The following MINK1 variants were observed in gnomAD, a reference collection of about 807,000 sequenced individuals.
MINK1 encodes the protein misshapen like kinase 1.
In MINK1, 46 loss-of-function variants were observed where a neutral mutation model predicts 178.4. The ratio of observed to expected loss-of-function variants is 0.26; its 90% CI spans 0.20 to 0.33. The LOEUF is 0.33. MINK1 is among the 10% of genes least tolerant of loss of function. The probability of loss-of-function intolerance (pLI) is 1.00; values close to 1 mark genes in which losing one functional copy is unlikely to be tolerated. For missense variants in MINK1, 1,366 were observed against 1,814.9 expected (o/e 0.75, Z 4.49); for synonymous variants, 797 against 709.7 (o/e 1.12, Z -1.96).
chr17:4,891,413 G>A (rs1234328535), intron 15 of MINK1, 43 bp from the exon 16 acceptor site: 1 of 1,519,370 alleles, frequency 6.6e-7, no homozygotes, highest in South Asian at 1.3e-5. Context: ...GTGGGGATGT[G>A]CCATGGAGCA....
At chr17:4,891,261 C>T in intron 15 of MINK1, 137 bp downstream of exon 15, 5 of 1,165,718 alleles carry the variant, frequency 4.3e-6, no homozygotes, top group Non-Finnish European at 5.9e-6. Context: ...AGAGCACAGG[C>T]TTTGTGGACA....
chr17:4,841,740 G>C (rs749104406), intron 1 of MINK1, among the ~76,000 whole-genome samples: 2 of 152,146 alleles, frequency 1.3e-5, no homozygotes, highest in Non-Finnish European at 2.9e-5. Flanking sequence ...TACTTGGTAA[G>C]AGACATGGAT....
At chr17:4,839,021 G>A (rs1278127444) in intron 1 of MINK1, among the ~76,000 whole-genome samples, 1 of 151,062 alleles carries the variant, frequency 6.6e-6, no homozygotes, top group Non-Finnish European at 1.5e-5. Context: ...TTGGCTCACT[G>A]CAAGCTCCAC....
intron 5 of MINK1, 43 bp downstream of exon 5, chr17:4,884,516 TG>T (rs755197027): frequency 5.6e-6 from 8 of 1,423,380 alleles, no homozygotes; most frequent in Non-Finnish European, 7.9e-6. Flanking sequence ...TCCGCTACCC[TG>T]GCTGGAGTTT....
chr17:4,834,376 G>A (rs1256929994), intron 1 of MINK1, among the ~76,000 whole-genome samples: 1 of 152,064 alleles, frequency 6.6e-6, no homozygotes, highest in Non-Finnish European at 1.5e-5. Flanking sequence ...GCTGGGAAGA[G>A]GATGTTTACA....
chr17:4,891,200 G>GCGCGCA (rs781594150), intron 15 of MINK1, 76 bp downstream of exon 15: 46 of 1,004,122 alleles, frequency 4.6e-5, no homozygotes, highest in African/African-American at 1.7e-5. Context: ...ACACACGCGC[G>GCGCGCA]CACACACACA....
chr17:4,845,474 T>A (rs1190937458), intron 1 of MINK1, among the ~76,000 whole-genome samples: 1 of 152,082 alleles, frequency 6.6e-6, no homozygotes, highest in Non-Finnish European at 1.5e-5. Flanking sequence ...GATCATAGAA[T>A]GTAACAGCAT....
Position 4,890,463 on chromosome 17 carries a change from C to G in MINK1, c.1348-54C>G, listed in dbSNP as rs545643918. The G allele has an allele frequency of 4.5e-6, 7 of 1,539,098 alleles. 1 individual carries two copies. The East Asian group carries it at 1.5e-4, about 32-fold the overall frequency. ...GGAGAAAAGAGAGGGCATGCCTGCTCTAACTCCCAGGGCCACACCCTGCTG... is the reference window on the plus strand; with the variant it reads ...GGAGAAAAGAGAGGGCATGCCTGCTGTAACTCCCAGGGCCACACCCTGCTG... On this transcript the variant is annotated intron_variant, in intron 13 of 31. Transcript: ENST00000355280.
chr17:4,888,812 C>T (rs1567610413), intron 12 of MINK1, among the ~76,000 whole-genome samples: 1 of 151,542 alleles, frequency 6.6e-6, no homozygotes, highest in African/African-American at 2.4e-5. Flanking sequence ...ATTCTCCTGC[C>T]TCAGCCTCCT....
intron 13 of MINK1, 39 bp downstream of exon 13, chr17:4,889,802 C>T (rs1236395413): frequency 7.0e-7 from 1 of 1,436,072 alleles, no homozygotes. Flanking sequence ...TCCCGCCCTC[C>T]CGCTCCTGCT....
In MINK1 at chr17:4,839,084, T is replaced by C. The variant is rs150268889; in HGVS notation, c.57+5444T>C. Among the ~76,000 whole-genome samples the C allele has an allele frequency of 9.0e-3, 1,362 of 152,038 alleles. 7 individuals carry two copies. Among genetic ancestry groups the C allele is most frequent in the Non-Finnish European group, 0.014 (965 of 67,878 alleles). The stretch of plus-strand genomic sequence containing the variant: ...TCAGCCTCCCGAGTAGCTGGGACTA[T>C]AGGCGCCCGCCACAATGCCTGGCTA... On this transcript the variant is annotated intron_variant, in intron 1 of 31. Transcript: ENST00000355280.
intron 1 of MINK1, 94 bp from the exon 2 acceptor site, chr17:4,878,223 C>G: frequency 3.5e-6 from 4 of 1,142,440 alleles, no homozygotes; most frequent in East Asian, 2.7e-5. Flanking sequence ...GGTCTTCACT[C>G]CCATATCTTG....
intron 20 of MINK1, 148 bp downstream of exon 20, chr17:4,893,215 T>TCCTAACCTCTC: frequency 6.3e-7 from 1 of 1,593,310 alleles, no homozygotes; most frequent in Non-Finnish European, 8.6e-7. Flanking sequence ...GTGCTAACCT[T>TCCTAACCTCTC]TCCTAACCTC....
intron 1 of MINK1, among the ~76,000 whole-genome samples, chr17:4,869,525 C>T (rs992778605): frequency 6.6e-6 from 1 of 151,926 alleles, no homozygotes; most frequent in South Asian, 2.1e-4. Flanking sequence ...GATCCTCCTG[C>T]CTCGGCCTCC....
At chr17:4,835,865 C>G (rs576977176) in intron 1 of MINK1, among the ~76,000 whole-genome samples, 2 of 152,252 alleles carry the variant, frequency 1.3e-5, no homozygotes, top group Middle Eastern at 6.8e-3. Context: ...CAGCCTTACT[C>G]TCCTCTCCCC....
Position 4,843,431 on chromosome 17 carries a change from TTGCGTCAC to T in MINK1, c.57+9795_57+9802del, listed in dbSNP as rs763256024. 1.1e-3 allele frequency among the ~76,000 whole-genome samples: 172 copies of T among 151,800 alleles called. 4 individuals are homozygous for T. The highest frequency in any genetic ancestry group is 0.011 in the Admixed American group (162 of 15,244). On this transcript the variant is annotated intron_variant, in intron 1 of 31. Coordinates refer to ENST00000355280, the MANE Select transcript of MINK1 (RefSeq NM_153827.5). ...AGGCGGAGGTTGCAGTGAGCCTAGA[TTGCGTCAC>T]TGCACTCCAGCCTGGGCGACAGAAC...
intron 1 of MINK1, among the ~76,000 whole-genome samples, chr17:4,875,697 A>T (rs1366092178): frequency 6.6e-6 from 1 of 151,890 alleles, no homozygotes; most frequent in Non-Finnish European, 1.5e-5. Flanking sequence ...ATTTGAACCC[A>T]GGAGGTGGAG....
chr17:4,854,636 T>G (rs1912731308), intron 1 of MINK1: 1 of 428,392 alleles, frequency 2.3e-6, no homozygotes, highest in African/African-American at 2.0e-5. Context: ...ATAAACTGCC[T>G]TTCCTCCCAT....
intron 1 of MINK1, among the ~76,000 whole-genome samples, chr17:4,851,334 A>T (rs1484531904): frequency 6.6e-6 from 1 of 152,200 alleles, no homozygotes; most frequent in Non-Finnish European, 1.5e-5. Flanking sequence ...TAAATTATAC[A>T]GAAGAGTCAG....
Sources: gnomAD v4.1 joint callset for allele counts (sites outside exome capture counted in the v4.1 genomes callset) on GRCh38, gnomAD v4.1.1 for gene constraint, MANE v1.5 for transcripts, NCBI Gene and HGNC (gene_info 2026-07-23, HGNC 2026-07-21) for gene names.